Variants in RIC3 observed in about 807,000 individuals in gnomAD.
RIC3 encodes protein RIC-3.
RIC3 carries 28 observed loss-of-function variants against 27.3 expected under a neutral mutation model. That is an observed-to-expected ratio of 1.02 (90% CI 0.76 to 1.41). The LOEUF (loss-of-function observed/expected upper bound fraction) is 1.41. RIC3 is among the 40% of genes most tolerant of loss of function. RIC3 has a pLI of 0.00. For synonymous variants in RIC3, 184 were observed against 160.4 expected (o/e 1.15, Z -1.11); for missense variants, 501 against 444.7 (o/e 1.13, Z -1.14).
chr11:8,159,793 C>A (rs1461028653), intron 1 of RIC3, among the ~76,000 whole-genome samples: 1 of 152,084 alleles, frequency 6.6e-6, no homozygotes, highest in Non-Finnish European at 1.5e-5. Flanking sequence ...GGGTTCGATA[C>A]CAGCCTGGCC....
At chr11:8,124,321 C>T (rs1267126759) in intron 5 of RIC3, among the ~76,000 whole-genome samples, 1 of 152,112 alleles carries the variant, frequency 6.6e-6, no homozygotes, top group Non-Finnish European at 1.5e-5. Flanking sequence ...AATCACAGAC[C>T]AATATCCCTC....
At chr11:8,101,619 G>C (rs1590003163), downstream of RIC3, 1 of 1,614,188 alleles carries the variant, frequency 6.2e-7, no homozygotes, top group Non-Finnish European at 8.5e-7. Flanking sequence ...CGTGCGAGTA[G>C]AGGCCTCTTC....
the RIC3 span, chr11:8,100,512 G>A: frequency 8.1e-3 from 13,121 of 1,614,018 alleles, 64 homozygotes; most frequent in Non-Finnish European, 9.7e-3. Context: ...GGAGACAAAC[G>A]TCTTAGGCTT....
chr11:8,136,661 G>A (rs868099514), intron 4 of RIC3, among the ~76,000 whole-genome samples: 10 of 152,146 alleles, frequency 6.6e-5, no homozygotes, highest in South Asian at 4.1e-4. Flanking sequence ...TGGCACAGTC[G>A]ACACAAACAT....
intron 2 of RIC3, chr11:8,138,692 CT>C (rs1948685611): frequency 4.0e-6 from 1 of 252,688 alleles, no homozygotes; most frequent in Non-Finnish European, 7.4e-6. Flanking sequence ...AAGAAATCAA[CT>C]GTTCTTAGCT....
intron 1 of RIC3, among the ~76,000 whole-genome samples, chr11:8,143,304 T>C (rs1340726861): frequency 2.0e-5 from 3 of 151,754 alleles, no homozygotes; most frequent in Non-Finnish European, 2.9e-5. Flanking sequence ...AAAATCTCCT[T>C]AAGCTGATAA....
intron 1 of RIC3, among the ~76,000 whole-genome samples, chr11:8,157,111 T>C (rs1356064655): frequency 2.6e-5 from 4 of 152,148 alleles, no homozygotes; most frequent in Non-Finnish European, 5.9e-5. Flanking sequence ...ACACCAACAT[T>C]AGACAAGGCC....
At chr11:8,159,382 A>T (rs1950976910) in intron 1 of RIC3, among the ~76,000 whole-genome samples, 1 of 152,200 alleles carries the variant, frequency 6.6e-6, no homozygotes, top group Admixed American at 6.5e-5. Flanking sequence ...AGAGAATTAC[A>T]TAGGGCCTTT....
rs536644462 is a variant in RIC3, at chr11:8,135,019, G to GT, written c.521+2358_521+2359insA. 1.5e-4 allele frequency among the ~76,000 whole-genome samples: 23 copies of GT among 152,198 alleles called. No individual in the cohort carries two copies. In the South Asian group the frequency reaches 4.4e-3, roughly 29 times the overall value. On this transcript the variant is annotated intron_variant, in intron 4 of 5. Transcript: ENST00000309737. ...TAATTAGATCCCATTTGTCAATTTT[G>GT]GTTTTGTTGCCATTGCTTTTGGTGT...
chr11:8,118,050 A>G lies in RIC3; in HGVS notation c.671-6913T>C, dbSNP rs191230040. On this transcript the variant is annotated intron_variant, in intron 5 of 5. Coordinates refer to ENST00000309737, the MANE Select transcript of RIC3 (RefSeq NM_001206671.4). ...ATCCTGGCTAACACGGTGAAACCCC[A>G]TCTCTACTAAAAATTAAAAAAAATT... Among the ~76,000 whole-genome samples the G allele has an allele frequency of 6.3e-3, 957 of 151,706 alleles. 22 individuals are homozygous for G. The highest frequency in any genetic ancestry group is 0.051 in the Admixed American group (781 of 15,236).
At chr11:8,130,849 C>T (rs375187757) in intron 4 of RIC3, among the ~76,000 whole-genome samples, 1 of 151,868 alleles carries the variant, frequency 6.6e-6, no homozygotes, top group African/African-American at 2.4e-5. Flanking sequence ...AGAGGAACAG[C>T]AAGTGGTCAG....
downstream of RIC3, chr11:8,101,858 C>A: frequency 3.5e-5 from 17 of 479,162 alleles, no homozygotes; most frequent in South Asian, 1.1e-4. Flanking sequence ...CTTTCCATGC[C>A]ACGAGATCAA....
At chr11:8,167,303 C>T (rs1951782173) in intron 1 of RIC3, among the ~76,000 whole-genome samples, 1 of 151,992 alleles carries the variant, frequency 6.6e-6, no homozygotes, top group African/African-American at 2.4e-5. Context: ...TATAGTGATG[C>T]CTATCATGAA....
intron 5 of RIC3, among the ~76,000 whole-genome samples, chr11:8,119,550 T>C (rs1946227055): frequency 1.3e-5 from 2 of 152,154 alleles, no homozygotes; most frequent in African/African-American, 4.8e-5. Context: ...TAATTCAAGA[T>C]GGATTAAAGA....
In RIC3 at chr11:8,110,808, T is replaced by C; in HGVS notation, c.1000A>G (p.Thr334Ala). 1 of 1,614,204 alleles carries C rather than the reference T, an allele frequency of 6.2e-7. No homozygotes were observed. The highest frequency in any genetic ancestry group is 8.5e-7 in the Non-Finnish European group (1 of 1,180,034). ...ADSYPEQEET[T>A]KEEWSQDFKD... Reference sequence around the variant, plus strand: ...AAGTCTTGGGACCACTCTTCTTTGGTGGTTTCCTCTTGCTCAGGGTAGCTA... The same window carrying C: ...AAGTCTTGGGACCACTCTTCTTTGGCGGTTTCCTCTTGCTCAGGGTAGCTA... The change falls in exon 6 of 6, where the codon ACC (threonine) becomes GCC (alanine). Residue 334 changes from threonine (T) to alanine (A), a missense_variant. By Grantham distance (58) the Thr-to-Ala change is moderately conservative (BLOSUM62 0). Transcript: ENST00000309737.
chr11:8,151,173 G>A (rs904579989), intron 1 of RIC3, among the ~76,000 whole-genome samples: 7 of 152,220 alleles, frequency 4.6e-5, no homozygotes, highest in Admixed American at 2.6e-4. Context: ...CTCTGGTGCT[G>A]CAAATGACAC....
intron 1 of RIC3, among the ~76,000 whole-genome samples, chr11:8,141,374 G>A (rs1374198859): frequency 3.3e-5 from 5 of 152,292 alleles, no homozygotes; most frequent in South Asian, 2.1e-4. Context: ...GGCAGGGGTT[G>A]CAGTCCTAGT....
At chr11:8,101,848 CTTTCCAT>C, downstream of RIC3, 3 of 452,110 alleles carry the variant, frequency 6.6e-6, no homozygotes, top group Non-Finnish European at 1.0e-5. Context: ...GAGAATAATT[CTTTCCAT>C]GCCACGAGAT....
chr11:8,104,470 G>GCAAT (rs1337377995), downstream of RIC3: 1 of 152,134 alleles, frequency 6.6e-6, no homozygotes, highest in African/African-American at 2.4e-5. Flanking sequence ...GGGGAAAAGG[G>GCAAT]CAATCAGCAA....
Sources: gnomAD v4.1 joint callset for allele counts (sites outside exome capture counted in the v4.1 genomes callset) on GRCh38, gnomAD v4.1.1 for gene constraint, MANE v1.5 for transcripts, NCBI Gene and HGNC (gene_info 2026-07-23, HGNC 2026-07-21) for gene names.